Variants in MTMR1 observed in about 807,000 individuals in gnomAD.
MTMR1 encodes the protein phosphatidylinositol-3-phosphate phosphatase MTMR1.
Under a neutral mutation model 51.6 loss-of-function variants are expected in MTMR1, and 17 were observed. The observed-to-expected ratio is 0.33, with a 90% CI of 0.23 to 0.49. The LOEUF (loss-of-function observed/expected upper bound fraction) is 0.49. MTMR1 is among the 20% of genes least tolerant of loss of function. The probability of loss-of-function intolerance (pLI) is 0.99; values close to 1 mark genes in which losing one functional copy is unlikely to be tolerated. For synonymous variants in MTMR1, 201 were observed against 205.6 expected (o/e 0.98, Z 0.19); for missense variants, 386 against 526.9 (o/e 0.73, Z 2.62).
rs781824893 is a variant in MTMR1, at chrX:150,727,698, C to T, written c.462C>T (p.Ile154=). 8.3e-7 allele frequency: 1 copy of T among 1,209,183 alleles called. No individual in the cohort carries two copies. Among genetic ancestry groups the T allele is most frequent in the Non-Finnish European group, 1.1e-6 (1 of 893,750 alleles). The change falls in exon 6 of 16, where the codon ATC becomes ATT. Residue 154 remains isoleucine (I), a synonymous_variant. Transcript: ENST00000445323. ...FKNVERDPHF[I]LDVPLGVISR... ...TTTGAACCTAGGACCCGCATTTTAT[C>T]CTTGATGTTCCCCTTGGAGTGATCA...
At chrX:150,751,129 C>T in intron 14 of MTMR1, 1 of 1,002,744 alleles carries the variant, frequency 1.0e-6, no homozygotes, top group Non-Finnish European at 1.3e-6. Context: ...GTCTCCGCTG[C>T]ACCAACTCCA....
chrX:150,722,028 T>C (rs1557416594), intron 4 of MTMR1, among the ~76,000 whole-genome samples: 1 of 112,062 alleles, frequency 8.9e-6, no homozygotes, highest in Non-Finnish European at 1.9e-5. Context: ...AGTGTGTCGT[T>C]TAATTTCCAT....
rs2042311338 is a variant in MTMR1, at chrX:150,737,586, T to C, written c.1473+138T>C. On this transcript the variant is annotated intron_variant, in intron 12 of 15. Transcript: ENST00000445323. ...CTTCTGTATCATATCAGACCTGAAT[T>C]GCCATAATAAAATACATGGACCTCA... The C allele has an allele frequency of 1.0e-5, 5 of 492,252 alleles. No homozygotes were observed. In the East Asian group the frequency reaches 1.9e-4, roughly 18 times the overall value. 40.6% of individuals were successfully genotyped at this position (492,252 alleles called of 1,213,427 possible). A position where few individuals can be genotyped will look rare whatever the true frequency, so the allele number is the denominator to read the frequency against.
intron 3 of MTMR1, among the ~76,000 whole-genome samples, chrX:150,716,931 A>T (rs1458265350): frequency 8.9e-6 from 1 of 112,244 alleles, no homozygotes; most frequent in Non-Finnish European, 1.9e-5. Context: ...CCTATTTTCC[A>T]CTGAACACTA....
At chrX:150,757,946 G>A (rs1414790039) in intron 15 of MTMR1, among the ~76,000 whole-genome samples, 3 of 111,027 alleles carry the variant, frequency 2.7e-5, no homozygotes, top group Non-Finnish European at 5.7e-5. Context: ...CAAGACACTC[G>A]ATACTGCACC....
chrX:150,703,156 A>G (rs1244108623), intron 2 of MTMR1, among the ~76,000 whole-genome samples: 4 of 112,342 alleles, frequency 3.6e-5, no homozygotes, highest in Non-Finnish European at 5.6e-5. Flanking sequence ...AACTATTAGT[A>G]GAAGTGACAT....
intron 1 of MTMR1, among the ~76,000 whole-genome samples, chrX:150,697,650 A>G (rs1415165633): frequency 1.8e-5 from 2 of 111,639 alleles, no homozygotes; most frequent in Non-Finnish European, 3.8e-5. Flanking sequence ...CAGCCTGACC[A>G]CTTGCCAGTC....
intron 2 of MTMR1, among the ~76,000 whole-genome samples, chrX:150,709,853 C>G (rs961020075): frequency 8.9e-6 from 1 of 112,486 alleles, no homozygotes; most frequent in African/African-American, 3.2e-5. Flanking sequence ...ACCTCCAACA[C>G]TGGGGATTAG....
chrX:150,693,231 G>A (rs2040536646), upstream of MTMR1: 1 of 117,244 alleles, frequency 8.5e-6, no homozygotes, highest in Admixed American at 9.3e-5. Context: ...CGCTGGAGCA[G>A]GAGGTCCCAG....
intron 4 of MTMR1, among the ~76,000 whole-genome samples, chrX:150,726,131 G>A (rs1305294974): frequency 5.4e-5 from 6 of 111,679 alleles, no homozygotes; most frequent in Admixed American, 9.5e-5. Context: ...ATTATCGCCT[G>A]AGCTCCGTCT....
In MTMR1 at chrX:150,762,689, C is replaced by T. The variant is rs2043181449; in HGVS notation, c.1982C>T (p.Ser661Leu). 8.4e-6 allele frequency: 10 copies of T among 1,186,978 alleles called. No individual in the cohort carries two copies. Among genetic ancestry groups the T allele is most frequent in the East Asian group, 3.0e-5 (1 of 32,903 alleles). The stretch of plus-strand genomic sequence containing the variant: ...TCATCCTCATCTGAGCGGGGCTCCT[C>T]GCCCTCCCACTCCGCCACCTCCGTC... ...AVSSSSERGS[S>L]PSHSATSVHT... The change falls in exon 16 of 16, where the codon TCG becomes TTG. Residue 661 changes from serine to leucine, a missense_variant. Coordinates refer to ENST00000445323, the MANE Select transcript of MTMR1 (RefSeq NM_001306144.3).
In MTMR1 at chrX:150,699,338, C is replaced by T. The variant is rs1557415850; in HGVS notation, c.252+38C>T. On this transcript the variant is annotated intron_variant, in intron 2 of 15. Transcript: ENST00000445323. ...GAGTGTTTAATTCATTTTCAGTATG[C>T]TAAGTAGCCAAGAAGCTTTGCAGTT... 4.0e-6 allele frequency: 4 copies of T among 988,270 alleles called. No individual in the cohort carries two copies. In the South Asian group the frequency reaches 6.5e-5, roughly 16 times the overall value. The allele number at this position is 988,270 out of a possible 1,213,427, so 81.4% of individuals were successfully genotyped here.
intron 15 of MTMR1, among the ~76,000 whole-genome samples, chrX:150,760,487 T>C (rs887650824): frequency 8.7e-4 from 98 of 112,140 alleles, no homozygotes; most frequent in African/African-American, 2.9e-3. Flanking sequence ...TTTGGGACTG[T>C]CTTGCCTTAT....
chrX:150,693,818 C>T (rs2040568109), intron 1 of MTMR1, 142 bp downstream of exon 1: 1 of 332,959 alleles, frequency 3.0e-6, no homozygotes, highest in Non-Finnish European at 3.9e-6. Context: ...CCTCTGGGCC[C>T]TCCTCCCCCC....
intron 14 of MTMR1, among the ~76,000 whole-genome samples, chrX:150,752,803 CTCTT>C (rs1337326400): frequency 2.7e-5 from 3 of 110,416 alleles, no homozygotes; most frequent in East Asian, 2.8e-4. Context: ...TTCATAAAAT[CTCTT>C]TATTTCTATT....
rs2042305472 is a variant in MTMR1 at position 150,737,384 on chromosome X, C to G, written c.1409C>G (p.Thr470Ser). The change falls in exon 12 of 16, where the codon ACC becomes AGC. Residue 470 changes from threonine to serine, a missense_variant. Physicochemically the swap from Thr to Ser is moderately conservative, Grantham distance 58 (BLOSUM62 1). Coordinates refer to ENST00000445323, the MANE Select transcript of MTMR1 (RefSeq NM_001306144.3). ...AMLMLDSYYR[T>S]IKGFETLVEK... ...CTAATGTTGGACAGTTACTACAGGACCATTAAAGGATTTGAAACTCTCGTA... is the reference window on the plus strand; with the variant it reads ...CTAATGTTGGACAGTTACTACAGGAGCATTAAAGGATTTGAAACTCTCGTA... 9 of 1,211,342 alleles carry G rather than the reference C, an allele frequency of 7.4e-6. No individual in the cohort carries two copies. In the East Asian group the frequency reaches 2.7e-4, roughly 36 times the overall value.
chrX:150,693,515 C>T lies in MTMR1; in HGVS notation c.-16C>T. On this transcript the variant is annotated 5_prime_UTR_variant, in exon 1 of 16. Transcript: ENST00000445323. ...CCCGACGGCGGCTTCCCCAAGGCGG[C>T]AGGACTCGGCGCGCCATGGACAGGC... The T allele has an allele frequency of 5.3e-6, 4 of 761,183 alleles. No individual in the cohort carries two copies. The South Asian group carries it at 2.6e-4, about 49-fold the overall frequency. The allele number at this position is 761,183 out of a possible 1,213,427, so 62.7% of individuals were successfully genotyped here.
intron 15 of MTMR1, among the ~76,000 whole-genome samples, chrX:150,758,905 T>C (rs1304187292): frequency 8.9e-6 from 1 of 112,637 alleles, no homozygotes; most frequent in Non-Finnish European, 1.9e-5. Context: ...TAATAACTGC[T>C]TGTCACTAGA....
intron 12 of MTMR1, 45 bp downstream of exon 12, chrX:150,737,493 C>T (rs782075777): frequency 9.2e-7 from 1 of 1,087,714 alleles, no homozygotes; most frequent in Admixed American, 2.2e-5. Flanking sequence ...TTTGCGGTAT[C>T]ATATGGATGT....
Sources: allele counts gnomAD v4.1 joint callset (sites outside exome capture counted in the v4.1 genomes callset), GRCh38; gene constraint gnomAD v4.1.1; transcripts MANE v1.5; gene names NCBI Gene and HGNC (gene_info 2026-07-23, HGNC 2026-07-21).